The following PRKG1 variants were observed in gnomAD, a reference collection of about 807,000 sequenced individuals.
PRKG1 encodes the protein cGMP-dependent protein kinase 1.
A neutral mutation model predicts 88.1 loss-of-function variants in PRKG1; 35 were observed. The observed-to-expected ratio is 0.40, with a 90% confidence interval of 0.30 to 0.53. The LOEUF (loss-of-function observed/expected upper bound fraction) is 0.53, where lower values mean the gene tolerates loss of function less well. Ranked by LOEUF, PRKG1 falls within the 20% of genes least tolerant of loss-of-function variation. The pLI is 0.59. For missense variants in PRKG1, 540 were observed against 839.8 expected (o/e 0.64, Z 4.41); for synonymous variants, 303 against 292.5 (o/e 1.04, Z -0.37).
At chr10:52,266,102 C>G (rs548429476) in intron 10 of PRKG1, among the ~76,000 whole-genome samples, 77 of 151,850 alleles carry the variant, frequency 5.1e-4, no homozygotes, top group Admixed American at 1.2e-3. Flanking sequence ...ACAGAAAATT[C>G]CTATATACGC....
In PRKG1 at chr10:52,257,890, C is replaced by T. The variant is rs1841346231; in HGVS notation, c.1173+6224C>T. Among the ~76,000 whole-genome samples the T allele has an allele frequency of 1.4e-5, 2 of 138,978 alleles. 1 individual carries two copies. The highest frequency in any genetic ancestry group is 3.2e-5 in the Non-Finnish European group (2 of 61,608). 91.2% of individuals were successfully genotyped at this position (138,978 alleles called of 152,430 possible). On this transcript the variant is annotated intron_variant, in intron 10 of 17. Transcript: ENST00000373980. ...GTGTAGTAACAATATACTGCAACTG[C>T]TAAAATAACCACATGACAGTTTCAA...
chr10:51,816,117 A>G (rs1361817090), intron 4 of PRKG1, among the ~76,000 whole-genome samples: 2 of 152,222 alleles, frequency 1.3e-5, no homozygotes, highest in African/African-American at 4.8e-5. Flanking sequence ...TTACTAAGGC[A>G]TTTCCATTTT....
intron 5 of PRKG1, among the ~76,000 whole-genome samples, chr10:51,918,355 T>C (rs1842391238): frequency 6.6e-6 from 1 of 151,928 alleles, no homozygotes; most frequent in Non-Finnish European, 1.5e-5. Context: ...TTTTTTTTTT[T>C]GTGAGAGTAA....
chr10:51,801,849 G>A (rs1839182625), intron 3 of PRKG1, among the ~76,000 whole-genome samples: 1 of 152,120 alleles, frequency 6.6e-6, no homozygotes, highest in Non-Finnish European at 1.5e-5. Context: ...TGGGATGTAT[G>A]TGATCTTAAC....
intron 5 of PRKG1, among the ~76,000 whole-genome samples, chr10:51,919,661 T>G (rs946834534): frequency 1.3e-5 from 2 of 148,904 alleles, no homozygotes; most frequent in Admixed American, 6.8e-5. Flanking sequence ...AAGGTCAAAT[T>G]GAACAGCCCC....
intron 1 of PRKG1, among the ~76,000 whole-genome samples, chr10:51,141,250 A>G (rs1845813095): frequency 6.6e-6 from 1 of 152,132 alleles, no homozygotes; most frequent in Non-Finnish European, 1.5e-5. Context: ...TGTGCTCTGA[A>G]TCCCATGTCT....
chr10:52,079,531 C>T (rs1220221530), intron 7 of PRKG1, among the ~76,000 whole-genome samples: 4 of 152,136 alleles, frequency 2.6e-5, no homozygotes, highest in Non-Finnish European at 5.9e-5. Context: ...CCCTCTGAGG[C>T]CAGGGAAAGT....
intron 3 of PRKG1, among the ~76,000 whole-genome samples, chr10:51,525,190 G>A (rs1841847194): frequency 1.3e-5 from 2 of 150,276 alleles, no homozygotes; most frequent in Non-Finnish European, 3.0e-5. Flanking sequence ...AGGAGGGAGA[G>A]TAGGAGGAGG....
At chr10:51,338,298 A>G (rs940816938) in intron 2 of PRKG1, among the ~76,000 whole-genome samples, 4 of 152,170 alleles carry the variant, frequency 2.6e-5, no homozygotes, top group African/African-American at 9.7e-5. Context: ...TGAAAATGAA[A>G]TATGTTTGCC....
chr10:51,924,080 T>C (rs1277678027), intron 5 of PRKG1, among the ~76,000 whole-genome samples: 1 of 152,044 alleles, frequency 6.6e-6, no homozygotes, highest in East Asian at 1.9e-4. Flanking sequence ...CTTCCTCAGC[T>C]TCCCAAAGTT....
chr10:51,552,672 A>G (rs1345139642), intron 3 of PRKG1, among the ~76,000 whole-genome samples: 2 of 151,608 alleles, frequency 1.3e-5, no homozygotes, highest in African/African-American at 4.8e-5. Context: ...TAAAATGACA[A>G]TTTTCATTCA....
rs565811098 is a variant in PRKG1, at chr10:51,021,900, C to T, written c.266+30256C>T. On this transcript the variant is annotated intron_variant, in intron 1 of 17. Coordinates refer to the PRKG1 transcript ENST00000401604. ...TTCACCATGTTGGCCAGGCTGGTCT[C>T]GAACTCCTGACCTCAGGCAATCCAC... Among the ~76,000 whole-genome samples, 40 of 152,160 alleles carry T rather than the reference C, an allele frequency of 2.6e-4. 1 individual carries two copies. Among genetic ancestry groups the T allele is most frequent in the South Asian group, 8.3e-4 (4 of 4,820 alleles).
Position 51,458,740 on chromosome 10 carries a change from C to T in PRKG1, c.479-8983C>T, listed in dbSNP as rs185966192. On this transcript the variant is annotated intron_variant, in intron 2 of 17. Transcript: ENST00000373980. ...TGGACTTAGAAAAAGGACATGTAATCTCTGATTGAAGCAACATCTTGTTGA... is the reference window on the plus strand; with the variant it reads ...TGGACTTAGAAAAAGGACATGTAATTTCTGATTGAAGCAACATCTTGTTGA... Among the ~76,000 whole-genome samples the T allele has an allele frequency of 6.2e-4, 94 of 152,228 alleles. No individual in the cohort carries two copies. The South Asian group carries it at 0.016, about 26-fold the overall frequency.
At chr10:52,133,069 G>A (rs549334683) in intron 7 of PRKG1, among the ~76,000 whole-genome samples, 146 of 151,968 alleles carry the variant, frequency 9.6e-4, no homozygotes, top group African/African-American at 3.4e-3. Context: ...TTTTGTACCC[G>A]TTAACCATGT....
intron 3 of PRKG1, among the ~76,000 whole-genome samples, chr10:51,791,875 G>T (rs949993856): frequency 1.3e-5 from 2 of 152,090 alleles, no homozygotes; most frequent in East Asian, 1.9e-4. Context: ...GGCAGGAAAA[G>T]GATGGGTGGA....
chr10:52,201,307 T>C (rs899055218), intron 9 of PRKG1, among the ~76,000 whole-genome samples: 12 of 152,144 alleles, frequency 7.9e-5, no homozygotes, highest in Admixed American at 5.2e-4. Context: ...TTATTAAATA[T>C]AGAGTCCTTT....
At chr10:51,829,076 A>G (rs1272182999) in intron 4 of PRKG1, among the ~76,000 whole-genome samples, 4 of 152,174 alleles carry the variant, frequency 2.6e-5, no homozygotes, top group East Asian at 3.9e-4. Flanking sequence ...TGAAGCCTCA[A>G]CTGGAGAAGG....
At chr10:51,121,653 G>T (rs1480819311) in intron 1 of PRKG1, among the ~76,000 whole-genome samples, 1 of 151,808 alleles carries the variant, frequency 6.6e-6, no homozygotes, top group Non-Finnish European at 1.5e-5. Context: ...TTTTTCCAAG[G>T]CCACCCAGCT....
At chr10:51,866,571 G>A (rs1841020456) in intron 4 of PRKG1, among the ~76,000 whole-genome samples, 1 of 152,076 alleles carries the variant, frequency 6.6e-6, no homozygotes, top group South Asian at 2.1e-4. Flanking sequence ...CTAATTGATG[G>A]TGAGATTTCT....
Sources: gnomAD v4.1 joint callset for allele counts (sites outside exome capture counted in the v4.1 genomes callset) on GRCh38, gnomAD v4.1.1 for gene constraint, MANE v1.5 for transcripts, NCBI Gene and HGNC (gene_info 2026-07-23, HGNC 2026-07-21) for gene names.